DOCK9: variants seen among roughly 807,000 people sequenced by gnomAD.
DOCK9 encodes the protein dedicator of cytokinesis 9.
Under a neutral mutation model 263.3 loss-of-function variants are expected in DOCK9, and 89 were observed. The ratio of observed to expected loss-of-function variants is 0.34; its 90% CI spans 0.28 to 0.40. The LOEUF (loss-of-function observed/expected upper bound fraction) is 0.40, where lower values mean the gene tolerates loss of function less well. DOCK9 is among the 10% of genes least tolerant of loss of function. The pLI is 1.00. For synonymous variants in DOCK9, 976 were observed against 973.1 expected (o/e 1.00, Z -0.06); for missense variants, 2,140 against 2,603.4 (o/e 0.82, Z 3.87).
chr13:98,872,080 C>T (rs1447547434), intron 27 of DOCK9: 2 of 152,574 alleles, frequency 1.3e-5, no homozygotes, highest in Non-Finnish European at 2.9e-5. Context: ...TCTCCCACAG[C>T]TGTGCTGCCC....
intron 37 of DOCK9, chr13:98,846,633 C>G: frequency 9.0e-7 from 1 of 1,115,236 alleles, no homozygotes; most frequent in Non-Finnish European, 1.2e-6. Flanking sequence ...TGCTGTGTAC[C>G]ATCACCAGAG....
At chr13:99,046,080 GAC>G (rs1218779961) in intron 1 of DOCK9, among the ~76,000 whole-genome samples, 3 of 147,228 alleles carry the variant, frequency 2.0e-5, no homozygotes, top group Non-Finnish European at 4.5e-5. Flanking sequence ...CAGCCTGGGT[GAC>G]AGAGTGAGAC....
At chr13:99,031,971 T>C (rs1406730375) in intron 1 of DOCK9, among the ~76,000 whole-genome samples, 3 of 152,214 alleles carry the variant, frequency 2.0e-5, no homozygotes, top group Non-Finnish European at 2.9e-5. Context: ...GAAGATATGC[T>C]TCTTGATTTC....
intron 1 of DOCK9, among the ~76,000 whole-genome samples, chr13:99,085,907 C>A (rs1419708787): frequency 1.3e-5 from 2 of 151,930 alleles, no homozygotes; most frequent in African/African-American, 4.8e-5. Context: ...TGACAGAAAG[C>A]AGGTAAATTG....
chr13:98,888,652 T>G lies in DOCK9; in HGVS notation c.1769A>C (p.Asn590Thr). The change falls in exon 16 of 53, where the codon AAT becomes ACT. Residue 590 changes from asparagine (N) to threonine (T), a missense_variant. Physicochemically the swap from Asn to Thr is moderately conservative, Grantham distance 65. This residue lies in a region of DOCK9 where 1,521 missense variants were observed against 1,741.7 expected (regional missense o/e 0.87). Coordinates refer to ENST00000682017, the MANE Select transcript of DOCK9 (RefSeq NM_001366683.2). ...ILGNLDITID[N>T]VSSDFPNYVN... is the part of the protein sequence containing the mutation. ...CTTACTAGGGAAGTCTGAGGAAACA[T>G]TATCAATTGTAATGTCTAGATTGCC... The G allele has an allele frequency of 1.2e-6, 2 of 1,613,884 alleles. No individual in the cohort carries two copies. Among genetic ancestry groups the G allele is most frequent in the Non-Finnish European group, 8.5e-7 (1 of 1,179,818 alleles).
intron 7 of DOCK9, among the ~76,000 whole-genome samples, chr13:98,917,641 T>TC (rs2051106655): frequency 6.7e-6 from 1 of 148,306 alleles, no homozygotes; most frequent in South Asian, 2.3e-4. Flanking sequence ...TACCTTTTTT[T>TC]TTCTTTTTTT....
chr13:98,999,735 T>C (rs1225378429), intron 1 of DOCK9, among the ~76,000 whole-genome samples: 1 of 152,234 alleles, frequency 6.6e-6, no homozygotes, highest in Non-Finnish European at 1.5e-5. Context: ...TGTCCAGCAT[T>C]TTTCAGATAA....
chr13:99,003,434 T>A (rs1411730231), intron 1 of DOCK9, among the ~76,000 whole-genome samples: 3 of 152,194 alleles, frequency 2.0e-5, no homozygotes, highest in Non-Finnish European at 4.4e-5. Flanking sequence ...CCTTCCATCC[T>A]TCATTACCAG....
intron 27 of DOCK9, among the ~76,000 whole-genome samples, 189 bp from the exon 28 acceptor site, chr13:98,868,566 C>A (rs148721486): frequency 3.9e-5 from 6 of 152,218 alleles, no homozygotes; most frequent in Admixed American, 3.3e-4. Context: ...GGGTTTAAGA[C>A]CAGCCCAGGC....
intron 1 of DOCK9, among the ~76,000 whole-genome samples, chr13:99,041,571 A>G (rs1888464440): frequency 6.6e-6 from 1 of 152,160 alleles, no homozygotes; most frequent in Admixed American, 6.5e-5. Flanking sequence ...AGTGCAGGCC[A>G]CAGGGTTCCT....
At chr13:98,875,087 A>G (rs2094603) in intron 27 of DOCK9, among the ~76,000 whole-genome samples, 79,784 of 151,926 alleles carry the variant, frequency 0.53, 21,388 homozygotes, top group Middle Eastern at 0.6. Context: ...ACATAAATCT[A>G]TGATTCTTGA....
intron 1 of DOCK9, among the ~76,000 whole-genome samples, chr13:99,006,843 G>A (rs991419735): frequency 3.9e-5 from 6 of 152,166 alleles, no homozygotes; most frequent in African/African-American, 1.2e-4. Flanking sequence ...TGTAATCCCA[G>A]CACTTTGGGA....
intron 15 of DOCK9, among the ~76,000 whole-genome samples, chr13:98,895,008 C>T (rs2139209245): frequency 6.8e-6 from 1 of 148,036 alleles, no homozygotes; most frequent in East Asian, 2.0e-4. Flanking sequence ...GCAGCATGCG[C>T]TACTCAGCTA....
At chr13:98,954,517 T>C (rs569751941) in intron 2 of DOCK9, among the ~76,000 whole-genome samples, 1 of 152,230 alleles carries the variant, frequency 6.6e-6, no homozygotes, top group Non-Finnish European at 1.5e-5. Context: ...CCACAGGCCA[T>C]AGCCTGAAAG....
intron 1 of DOCK9, among the ~76,000 whole-genome samples, chr13:98,995,357 T>C (rs1880758395): frequency 6.6e-6 from 1 of 152,040 alleles, no homozygotes; most frequent in African/African-American, 2.4e-5. Flanking sequence ...GAGACCACAA[T>C]GAAATCAACC....
At chr13:98,996,644 C>T (rs1483377034) in intron 1 of DOCK9, among the ~76,000 whole-genome samples, 2 of 152,178 alleles carry the variant, frequency 1.3e-5, no homozygotes, top group African/African-American at 2.4e-5. Context: ...AACACAAATT[C>T]GTAAACTTTC....
intron 1 of DOCK9, among the ~76,000 whole-genome samples, chr13:99,038,433 T>C (rs1448788117): frequency 1.3e-5 from 2 of 150,628 alleles, no homozygotes; most frequent in Non-Finnish European, 2.9e-5. Context: ...GCCTCCCGAG[T>C]AGCTGGGATT....
At chr13:98,988,609 A>G (rs1879021039) in intron 1 of DOCK9, among the ~76,000 whole-genome samples, 1 of 152,212 alleles carries the variant, frequency 6.6e-6, no homozygotes, top group South Asian at 2.1e-4. Flanking sequence ...TTAAAGGTAC[A>G]AGTGACCAGA....
intron 39 of DOCK9, among the ~76,000 whole-genome samples, chr13:98,836,097 A>G (rs867351888): frequency 6.6e-6 from 1 of 152,144 alleles, no homozygotes; most frequent in African/African-American, 2.4e-5. Flanking sequence ...CAGGCTGTTC[A>G]GTTGTTCAGT....
Sources: gnomAD v4.1 joint callset for allele counts (sites outside exome capture counted in the v4.1 genomes callset) on GRCh38, gnomAD v4.1.1 for gene constraint, gnomAD v4.1.1 regional missense constraint, MANE v1.5 for transcripts, NCBI Gene and HGNC (gene_info 2026-07-23, HGNC 2026-07-21) for gene names.